Variants in SMYD3 observed in about 807,000 individuals in gnomAD.
SMYD3 encodes SET and MYND domain containing 3.
A neutral mutation model predicts 57.7 loss-of-function variants in SMYD3; 36 were observed. The ratio of observed to expected loss-of-function variants is 0.62; its 90% CI spans 0.48 to 0.82. The LOEUF is 0.82. Ranked by LOEUF, SMYD3 falls within the 40% of genes least tolerant of loss-of-function variation. The pLI is 0.00. For synonymous variants in SMYD3, 211 were observed against 195.0 expected, an observed-to-expected ratio of 1.08 and a Z score of -0.68; for missense variants, 515 against 538.8, an observed-to-expected ratio of 0.96 and a Z score of 0.44.
At position 245,915,638 on chromosome 1, in the gene SMYD3, G is replaced by A. The variant is rs759928395; in HGVS notation, c.705C>T (p.Leu235=). ...TCAGCATATCCAGGTAGCAGATGGT[G>A]AGCTGTGCAGGCCAGAGAGAGGGAA... is the stretch of plus-strand genomic sequence containing the variant. ...AVRDIEVGEE[L]TICYLDMLMT... The change falls in exon 8 of 12, where the codon CTC becomes CTT. Residue 235 remains leucine, a splice_region_variant and synonymous_variant. Transcript: ENST00000490107. 12 of 1,609,290 alleles carry A rather than the reference G, an allele frequency of 7.5e-6. No individual in the cohort carries two copies. The South Asian group carries it at 1.1e-4, about 15-fold the overall frequency.
intron 5 of SMYD3, among the ~76,000 whole-genome samples, chr1:246,315,050 CCTGTCA>C (rs921049480): frequency 6.6e-6 from 1 of 152,172 alleles, no homozygotes; most frequent in Non-Finnish European, 1.5e-5. Flanking sequence ...TAGCTTTCTT[CCTGTCA>C]CTGGGTGACT....
At chr1:245,999,731 T>G (rs977834446) in intron 5 of SMYD3, among the ~76,000 whole-genome samples, 3 of 152,132 alleles carry the variant, frequency 2.0e-5, no homozygotes, top group African/African-American at 7.2e-5. Flanking sequence ...ATTTCAAAAG[T>G]CAAATATTAA....
intron 10 of SMYD3, among the ~76,000 whole-genome samples, chr1:245,838,688 G>A (rs747550902): frequency 5.3e-5 from 8 of 152,308 alleles, no homozygotes; most frequent in African/African-American, 1.7e-4. Context: ...TTTAAGTCTC[G>A]TTAGTGTCAT....
chr1:246,327,986 T>C (rs1357522923), intron 4 of SMYD3, among the ~76,000 whole-genome samples: 4 of 151,952 alleles, frequency 2.6e-5, no homozygotes, highest in African/African-American at 7.2e-5. Context: ...TTGAGGTCAG[T>C]AGTTCGAGAG....
At chr1:246,458,634 T>G (rs1295869575) in intron 1 of SMYD3, among the ~76,000 whole-genome samples, 1 of 140,002 alleles carries the variant, frequency 7.1e-6, no homozygotes, top group Non-Finnish European at 1.6e-5. Context: ...TTTTTTTTTT[T>G]TTTTTGTATT....
At chr1:246,022,093 G>A (rs915981821) in intron 5 of SMYD3, among the ~76,000 whole-genome samples, 2 of 152,174 alleles carry the variant, frequency 1.3e-5, no homozygotes, top group Admixed American at 1.3e-4. Flanking sequence ...ACAAATGAAA[G>A]TCTAAATCAA....
At chr1:246,105,562 C>T (rs1180239875) in intron 5 of SMYD3, among the ~76,000 whole-genome samples, 5 of 152,130 alleles carry the variant, frequency 3.3e-5, no homozygotes, top group African/African-American at 1.2e-4. Flanking sequence ...AAACACCTTA[C>T]TGAAATGTCT....
chr1:245,923,251 A>G (rs1328884759), intron 7 of SMYD3, among the ~76,000 whole-genome samples: 3 of 152,172 alleles, frequency 2.0e-5, no homozygotes, highest in Non-Finnish European at 2.9e-5. Flanking sequence ...TGTTTTATGT[A>G]TAGTACATAC....
chr1:246,478,614 G>A (rs1225055449), intron 1 of SMYD3, among the ~76,000 whole-genome samples: 3 of 116,726 alleles, frequency 2.6e-5, no homozygotes, highest in African/African-American at 1.2e-4. Context: ...TCCTGGAGCT[G>A]GTACGTAAGT....
intron 5 of SMYD3, among the ~76,000 whole-genome samples, chr1:246,285,481 A>G (rs751275168): frequency 4.6e-5 from 7 of 152,176 alleles, no homozygotes; most frequent in Non-Finnish European, 8.8e-5. Context: ...ACCTTATACA[A>G]AAATCAACTC....
chr1:245,791,414 A>G (rs943494870), intron 10 of SMYD3, among the ~76,000 whole-genome samples: 1 of 152,206 alleles, frequency 6.6e-6, no homozygotes, highest in African/African-American at 2.4e-5. Flanking sequence ...GCAAAACAGC[A>G]TATGGAAATG....
intron 1 of SMYD3, among the ~76,000 whole-genome samples, chr1:246,506,362 G>C (rs2068537329): frequency 6.6e-6 from 1 of 152,200 alleles, no homozygotes; most frequent in Admixed American, 6.5e-5. Context: ...TTAAGAGTTA[G>C]ACATGCCTGC....
At chr1:246,001,040 C>T (rs1449148799) in intron 5 of SMYD3, among the ~76,000 whole-genome samples, 1 of 152,192 alleles carries the variant, frequency 6.6e-6, no homozygotes, top group Non-Finnish European at 1.5e-5. Context: ...ATTTACACCA[C>T]TTCACTCAAG....
chr1:246,229,725 C>T lies in SMYD3; in HGVS notation c.531+97476G>A, dbSNP rs114240532. Among the ~76,000 whole-genome samples the T allele has an allele frequency of 5.9e-3, 895 of 152,274 alleles. 13 individuals carry two copies. The highest frequency in any genetic ancestry group is 0.02 in the African/African-American group (824 of 41,560). ...CCGAATTCACCTTTTATATTGACAC[C>T]AATCCCACCCATGAGGGTGGAACTC... On this transcript the variant is annotated intron_variant, in intron 5 of 11. Coordinates refer to ENST00000490107, the MANE Select transcript of SMYD3 (RefSeq NM_001167740.2).
chr1:246,089,290 C>G (rs1261313139), intron 5 of SMYD3, among the ~76,000 whole-genome samples: 1 of 152,142 alleles, frequency 6.6e-6, no homozygotes, highest in African/African-American at 2.4e-5. Flanking sequence ...CTCGACCCTA[C>G]TTTTAGAAAA....
At chr1:246,393,929 G>A (rs1162438571) in intron 1 of SMYD3, among the ~76,000 whole-genome samples, 1 of 152,134 alleles carries the variant, frequency 6.6e-6, no homozygotes, top group Non-Finnish European at 1.5e-5. Context: ...CATCTATGGT[G>A]AAAATTGAAA....
intron 5 of SMYD3, among the ~76,000 whole-genome samples, chr1:246,235,352 C>G (rs1292633584): frequency 6.6e-6 from 1 of 152,182 alleles, no homozygotes; most frequent in Non-Finnish European, 1.5e-5. Context: ...CAGCTTCTAG[C>G]CAGATAATTA....
intron 10 of SMYD3, among the ~76,000 whole-genome samples, chr1:245,769,462 C>T (rs578195811): frequency 1.9e-4 from 29 of 152,230 alleles, no homozygotes; most frequent in East Asian, 1.4e-3. Flanking sequence ...ATCTGGGGTA[C>T]GGGAAATTCT....
intron 1 of SMYD3, among the ~76,000 whole-genome samples, chr1:246,474,445 G>A (rs1285643161): frequency 2.7e-5 from 4 of 150,438 alleles, no homozygotes; most frequent in Non-Finnish European, 4.4e-5. Context: ...CTTGAACCCG[G>A]GAGGCAGAAG....
Sources: allele counts gnomAD v4.1 joint callset (sites outside exome capture counted in the v4.1 genomes callset), GRCh38; gene constraint gnomAD v4.1.1; transcripts MANE v1.5; gene names NCBI Gene and HGNC (gene_info 2026-07-23, HGNC 2026-07-21).